The following ELFN1 variants were observed in gnomAD, a reference collection of about 807,000 sequenced individuals.
The protein encoded by ELFN1 is extracellular leucine rich repeat and fibronectin type III domain containing 1.
In ELFN1, 6 loss-of-function variants were observed where a neutral mutation model predicts 7.6. The ratio of observed to expected loss-of-function variants is 0.79; its 90% CI spans 0.43 to 1.56. The LOEUF (loss-of-function observed/expected upper bound fraction) is 1.56, where lower values mean the gene tolerates loss of function less well. Among genes scored for constraint, ELFN1 ranks in the 40% most tolerant of loss-of-function variants. ELFN1 has a pLI of 0.01. For missense variants in ELFN1, 1,169 were observed against 1,232.2 expected (o/e 0.95, Z 0.77); for synonymous variants, 657 against 588.1 (o/e 1.12, Z -1.70).
At chr7:1,715,429 C>T (rs1273765349) in intron 3 of ELFN1, among the ~76,000 whole-genome samples, 1 of 152,176 alleles carries the variant, frequency 6.6e-6, no homozygotes, top group Non-Finnish European at 1.5e-5. Flanking sequence ...TCCTGTCTCC[C>T]CTCTGCACAC....
chr7:1,738,380 C>T lies in ELFN1; in HGVS notation c.-293-5924C>T, dbSNP rs554724280. Among the ~76,000 whole-genome samples, 5 of 152,312 alleles carry T rather than the reference C, an allele frequency of 3.3e-5. No individual in the cohort carries two copies. In the East Asian group the frequency reaches 7.7e-4, roughly 24 times the overall value. On this transcript the variant is annotated intron_variant, in intron 3 of 3. Transcript: ENST00000424383. ...GTGGGTTAGGGTTAGGACCCCCTAA[C>T]CCCCTGCGGGCATGTCATATCTTTC... is the stretch of plus-strand genomic sequence containing the variant.
chr7:1,699,518 G>A (rs1039442057), intron 2 of ELFN1, among the ~76,000 whole-genome samples: 1 of 152,122 alleles, frequency 6.6e-6, no homozygotes, highest in African/African-American at 2.4e-5. Flanking sequence ...ACACATACCT[G>A]TGGGCGCAGC....
chr7:1,709,388 C>G (rs1053814004), intron 3 of ELFN1, 136 bp downstream of exon 3: 1 of 152,222 alleles, frequency 6.6e-6, no homozygotes, highest in African/African-American at 2.4e-5. Context: ...CAGAAATAAG[C>G]GTTTCTTAGG....
chr7:1,673,832 G>A lies in ELFN1; in HGVS notation c.-549+3478G>A, dbSNP rs1212420467. Among the ~76,000 whole-genome samples, 1 of 152,246 alleles carries A rather than the reference G, an allele frequency of 6.6e-6. No individual in the cohort carries two copies. Among genetic ancestry groups the A allele is most frequent in the Non-Finnish European group, 1.5e-5 (1 of 68,030 alleles). On this transcript the variant is annotated intron_variant, in intron 1 of 3. Transcript: ENST00000424383. This position sits in a 1 kb window ranked among gnomAD's most constrained non-coding sequence, Gnocchi z 4.7. Reference sequence around the variant, plus strand: ...AGCATCGCCCGAGGTCACACAGCAAGTAAGCTGGAGCTGTGGCTGGACCAG... The same window carrying A: ...AGCATCGCCCGAGGTCACACAGCAAATAAGCTGGAGCTGTGGCTGGACCAG...
chr7:1,689,875 C>A (rs1051812465), intron 2 of ELFN1, among the ~76,000 whole-genome samples: 1 of 152,158 alleles, frequency 6.6e-6, no homozygotes, highest in Non-Finnish European at 1.5e-5. Flanking sequence ...GTAACAGGAG[C>A]TCTTCCCCAA....
chr7:1,693,830 G>A (rs1244540620), intron 2 of ELFN1: 1 of 465,024 alleles, frequency 2.2e-6, no homozygotes, highest in East Asian at 7.0e-5. Context: ...GGGACGGCTG[G>A]GCCAATCGGG....
At chr7:1,724,806 A>G (rs568706698) in intron 3 of ELFN1, among the ~76,000 whole-genome samples, 39 of 152,210 alleles carry the variant, frequency 2.6e-4, no homozygotes, top group African/African-American at 8.2e-4. Context: ...CCTCAAGGTC[A>G]AGGTTACCTG....
In ELFN1 at chr7:1,747,522, G is replaced by A. The variant is rs1780841400; in HGVS notation, c.*439G>A. On this transcript the variant is annotated 3_prime_UTR_variant, in exon 4 of 4. Coordinates refer to ENST00000424383, the MANE Select transcript of ELFN1 (RefSeq NM_001128636.4). Reference sequence around the variant, plus strand: ...AAAAGACATAAAATGCCATCCGTGGGGGGTGTGGCCGGCGTGGCCACCTCG... The same window carrying A: ...AAAAGACATAAAATGCCATCCGTGGAGGGTGTGGCCGGCGTGGCCACCTCG... 6.0e-6 allele frequency: 1 copy of A among 165,676 alleles called. No individual in the cohort carries two copies. The highest frequency in any genetic ancestry group is 2.1e-4 in the South Asian group (1 of 4,840). The allele number at this position is 165,676 out of a possible 1,614,324, so 10.3% of individuals were successfully genotyped here.
At chr7:1,677,360 G>A (rs957069855) in intron 1 of ELFN1, among the ~76,000 whole-genome samples, 6 of 152,188 alleles carry the variant, frequency 3.9e-5, no homozygotes, top group East Asian at 3.9e-4. Context: ...TCAGGTATCC[G>A]GCACCCCGGC....
chr7:1,745,041 G>C lies in ELFN1; in HGVS notation c.445G>C (p.Ala149Pro). The C allele has an allele frequency of 6.4e-7, 1 of 1,551,114 alleles. No homozygotes were observed. The highest frequency in any genetic ancestry group is 8.7e-7 in the Non-Finnish European group (1 of 1,146,992). ...LQANLIEVVMASSFWECPNIV... is the reference protein window; with the variant it reads ...LQANLIEVVMPSSFWECPNIV... ...GGCCAACCTCATCGAGGTGGTCATG[G>C]CCAGCAGCTTCTGGGAGTGTCCCAA... The change falls in exon 4 of 4, where the codon GCC becomes CCC. Residue 149 changes from alanine (A) to proline (P), a missense_variant. Ala to Pro is a conservative substitution (Grantham distance 27). Around this residue, in one of 2 missense-constraint regions of ELFN1, gnomAD observed 255 missense variants for 359.6 expected, o/e 0.71. Coordinates refer to ENST00000424383, the MANE Select transcript of ELFN1 (RefSeq NM_001128636.4).
intron 3 of ELFN1, chr7:1,738,766 C>T (rs1780523596): frequency 6.6e-6 from 1 of 151,926 alleles, no homozygotes; most frequent in African/African-American, 2.4e-5. Context: ...GGCACCGCGC[C>T]GGCCCTGGGA....
At chr7:1,679,641 A>G (rs977803630) in intron 1 of ELFN1, among the ~76,000 whole-genome samples, 2 of 152,208 alleles carry the variant, frequency 1.3e-5, no homozygotes, top group South Asian at 2.1e-4. Flanking sequence ...GCACCTGTGC[A>G]CTGGAGCTGC....
chr7:1,674,660 A>G (rs899415083), intron 1 of ELFN1, among the ~76,000 whole-genome samples: 1 of 152,050 alleles, frequency 6.6e-6, no homozygotes, highest in Non-Finnish European at 1.5e-5. Flanking sequence ...GTCTGCCCTA[A>G]TGTCTTCCTC....
At chr7:1,719,123 G>A (rs1469875855) in intron 3 of ELFN1, among the ~76,000 whole-genome samples, 13 of 131,424 alleles carry the variant, frequency 9.9e-5, no homozygotes, top group South Asian at 2.5e-4. Flanking sequence ...ACAGGACCCC[G>A]CCCACCAACA....
At chr7:1,730,428 G>A (rs144522872) in intron 3 of ELFN1, among the ~76,000 whole-genome samples, 1 of 152,240 alleles carries the variant, frequency 6.6e-6, no homozygotes, top group East Asian at 1.9e-4. Flanking sequence ...GGATCAAAAA[G>A]CCTCAAAGAC....
At chr7:1,703,025 A>G (rs1261770281) in intron 2 of ELFN1, among the ~76,000 whole-genome samples, 1 of 152,254 alleles carries the variant, frequency 6.6e-6, no homozygotes, top group Non-Finnish European at 1.5e-5. Flanking sequence ...CCGTGCCAGC[A>G]CTGCAATGCA....
At position 1,746,476 on chromosome 7, in the gene ELFN1, A is replaced by C. The variant is rs1780796319; in HGVS notation, c.1880A>C (p.His627Pro). ...GCCTTCGGCCACAGCCTGCAGCGGCACCACAGCGTGGAGGCCGCCGGGCCC... is the reference window on the plus strand; with the variant it reads ...GCCTTCGGCCACAGCCTGCAGCGGCCCCACAGCGTGGAGGCCGCCGGGCCC... ...KDAFGHSLQR[H>P]HSVEAAGPPR... The change falls in exon 4 of 4, where the codon CAC (histidine) becomes CCC (proline). Residue 627 changes from histidine to proline, a missense_variant. By Grantham distance (77) the His-to-Pro change is moderately conservative. This residue lies in a region of ELFN1 where 914 missense variants were observed against 872.6 expected (regional missense o/e 1.05). Transcript: ENST00000424383. 2.0e-6 allele frequency: 3 copies of C among 1,513,640 alleles called. No individual in the cohort carries two copies. In the East Asian group the frequency reaches 7.6e-5, roughly 38 times the overall value. 93.8% of individuals were successfully genotyped at this position (1,513,640 alleles called of 1,614,324 possible). A position where few individuals can be genotyped will look rare whatever the true frequency, so the allele number is the denominator to read the frequency against.
intron 2 of ELFN1, among the ~76,000 whole-genome samples, chr7:1,703,710 T>C (rs1346650648): frequency 6.6e-6 from 1 of 152,168 alleles, no homozygotes; most frequent in Non-Finnish European, 1.5e-5. Flanking sequence ...CTGGGATTGA[T>C]TGTGGAGCCC....
rs770198560 is a variant in ELFN1, at chr7:1,744,926, G to T, written c.330G>T (p.Leu110=). The T allele has an allele frequency of 1.3e-6, 2 of 1,552,358 alleles. No homozygotes were observed. Among genetic ancestry groups the T allele is most frequent in the Non-Finnish European group, 1.7e-6 (2 of 1,147,464 alleles). Residue 110 remains leucine, a synonymous_variant, in exon 4 of 4, where the codon CTG becomes CTT. Coordinates refer to ENST00000424383, the MANE Select transcript of ELFN1 (RefSeq NM_001128636.4). ...GCGCCTTCTCGGGCCAGTTCAACCT[G>T]CAGGTGCTGCAGCTGGGCTACAACC... is the stretch of plus-strand genomic sequence containing the variant. ...EDGAFSGQFN[L]QVLQLGYNRL...
Sources: gnomAD v4.1 joint callset for allele counts (sites outside exome capture counted in the v4.1 genomes callset) on GRCh38, gnomAD v4.1.1 for gene constraint, gnomAD v4.1.1 regional missense constraint, Gnocchi (gnomAD v3.1) non-coding constraint, MANE v1.5 for transcripts, NCBI Gene and HGNC (gene_info 2026-07-23, HGNC 2026-07-21) for gene names.